Variants in PPP1R12B observed in about 807,000 individuals in gnomAD.
PPP1R12B encodes myosin phosphatase target subunit 2.
Under a neutral mutation model 126.1 loss-of-function variants are expected in PPP1R12B, and 76 were observed. The observed-to-expected ratio is 0.60, with a 90% CI of 0.50 to 0.73. The LOEUF (loss-of-function observed/expected upper bound fraction) is 0.73. Among genes scored for constraint, PPP1R12B ranks in the 30% least tolerant of loss-of-function variants. The probability of loss-of-function intolerance (pLI) is 0.00; values close to 1 mark genes in which losing one functional copy is unlikely to be tolerated. For missense variants in PPP1R12B, 1,052 were observed against 1,205.1 expected (o/e 0.87, Z 1.88); for synonymous variants, 356 against 434.7 (o/e 0.82, Z 2.25).
Position 202,431,492 on chromosome 1 carries a change from G to A in PPP1R12B, c.1014G>A (p.Met338Ile). ...QSGFFKNKEKMLYEEETPKSQ... is the reference protein window; with the variant it reads ...QSGFFKNKEKILYEEETPKSQ... ...ATCTTTAATTTAGCAAAGAGAAGATGCTCTATGAGGAGGAGACACCTAAGT... is the reference window on the plus strand; with the variant it reads ...ATCTTTAATTTAGCAAAGAGAAGATACTCTATGAGGAGGAGACACCTAAGT... The change falls in exon 8 of 24, where the codon ATG becomes ATA. Residue 338 changes from methionine (M) to isoleucine (I), a missense_variant. Coordinates refer to ENST00000608999, the MANE Select transcript of PPP1R12B (RefSeq NM_002481.4). The A allele has an allele frequency of 6.3e-7, 1 of 1,597,798 alleles. No homozygotes were observed. The highest frequency in any genetic ancestry group is 8.5e-7 in the Non-Finnish European group (1 of 1,175,268).
intron 18 of PPP1R12B, among the ~76,000 whole-genome samples, chr1:202,554,107 C>G (rs1413008012): frequency 6.6e-6 from 1 of 152,142 alleles, no homozygotes; most frequent in African/African-American, 2.4e-5. Context: ...CTAAATCCAA[C>G]TAGTGTTTTT....
intron 1 of PPP1R12B, among the ~76,000 whole-genome samples, chr1:202,363,362 C>T (rs147792035): frequency 3.9e-5 from 6 of 152,272 alleles, no homozygotes; most frequent in African/African-American, 1.4e-4. Flanking sequence ...TCCTATTAAT[C>T]TGTTCATAGT....
Position 202,508,559 on chromosome 1 carries a change from A to T in PPP1R12B, c.2490+11737A>T, listed in dbSNP as rs1232838116. On this transcript the variant is annotated intron_variant, in intron 18 of 23. Transcript: ENST00000608999. This position sits in a 1 kb window ranked among gnomAD's most constrained non-coding sequence, Gnocchi z 4.5. ...CAGGAAACAGAAGCATTTTAAAGGC[A>T]AACAACATGTTTGAGTATTATGTCA... 6.6e-6 allele frequency among the ~76,000 whole-genome samples: 1 copy of T among 152,254 alleles called. No homozygotes were observed. The highest frequency in any genetic ancestry group is 2.4e-5 in the African/African-American group (1 of 41,470).
At chr1:202,555,904 C>G (rs1268273533) in intron 18 of PPP1R12B, among the ~76,000 whole-genome samples, 1 of 148,028 alleles carries the variant, frequency 6.8e-6, no homozygotes, top group Non-Finnish European at 1.5e-5. Flanking sequence ...GAGACAGAGT[C>G]TCACTCTGTC....
Position 202,372,725 on chromosome 1 carries a change from A to T in PPP1R12B, c.291+23583A>T, listed in dbSNP as rs1455298625. Among the ~76,000 whole-genome samples the T allele has an allele frequency of 2.0e-5, 3 of 152,088 alleles. No homozygotes were observed. The East Asian group carries it at 5.8e-4, about 29-fold the overall frequency. On this transcript the variant is annotated intron_variant, in intron 1 of 23. Coordinates refer to ENST00000608999, the MANE Select transcript of PPP1R12B (RefSeq NM_002481.4). ...GAATTCAGGTCTATAGTGAACTGTG[A>T]TTGTGCTGCTGCACTTCAGCCTGGG...
At chr1:202,503,722 A>G (rs1043511224) in intron 18 of PPP1R12B, among the ~76,000 whole-genome samples, 5 of 152,154 alleles carry the variant, frequency 3.3e-5, no homozygotes, top group African/African-American at 1.2e-4. Flanking sequence ...CCTTTTTCCA[A>G]AACGAAATCA....
intron 1 of PPP1R12B, among the ~76,000 whole-genome samples, chr1:202,393,832 A>G (rs1378034520): frequency 6.6e-6 from 1 of 152,134 alleles, no homozygotes; most frequent in Non-Finnish European, 1.5e-5. Flanking sequence ...AGGCCAAGGC[A>G]GGAGGATTGC....
chr1:202,414,674 A>G (rs891047021), intron 1 of PPP1R12B, among the ~76,000 whole-genome samples: 1 of 152,224 alleles, frequency 6.6e-6, no homozygotes, highest in Non-Finnish European at 1.5e-5. Flanking sequence ...AAGTCCGAAT[A>G]ATCATAATTT....
At chr1:202,564,173 T>TA (rs1158424934) in intron 20 of PPP1R12B, among the ~76,000 whole-genome samples, 3 of 152,222 alleles carry the variant, frequency 2.0e-5, no homozygotes, top group Admixed American at 6.5e-5. Context: ...CATTGCTCTT[T>TA]TAAGCAATGA....
In PPP1R12B at chr1:202,564,453, G is replaced by C; in HGVS notation, c.2663G>C (p.Ser888Thr). 1 of 1,609,162 alleles carries C rather than the reference G, an allele frequency of 6.2e-7. No homozygotes were observed. Among genetic ancestry groups the C allele is most frequent in the South Asian group, 1.1e-5 (1 of 90,968 alleles). ...SNRDYKKLYE[S>T]ALTENQKLKT... ...TTCCCTCTCCTCTAGCTCTATGAGA[G>C]TGCTCTGACTGAAAACCAAAAACTG... Residue 888 changes from serine to threonine, a missense_variant, in exon 21 of 24, where the codon AGT (serine) becomes ACT (threonine). Transcript: ENST00000608999.
chr1:202,353,600 G>GTT (rs1656454982), intron 1 of PPP1R12B, among the ~76,000 whole-genome samples: 1 of 129,266 alleles, frequency 7.7e-6, no homozygotes, highest in African/African-American at 2.6e-5. Context: ...GTGTGTGTGT[G>GTT]TGTGTGTGTG....
chr1:202,569,023 G>T lies in PPP1R12B; in HGVS notation c.2812-124G>T, dbSNP rs932953499. 84 of 1,001,590 alleles carry T rather than the reference G, an allele frequency of 8.4e-5. No individual in the cohort carries two copies. The South Asian group carries it at 1.2e-3, about 14-fold the overall frequency. 62.0% of individuals were successfully genotyped at this position (1,001,590 alleles called of 1,614,324 possible). On this transcript the variant is annotated intron_variant, in intron 22 of 23. Transcript: ENST00000608999. ...ATAGTGCTCAGATCTCCTGAGTAAG[G>T]TTTGCCTGAGTCAGCAGACAAACCT...
intron 15 of PPP1R12B, among the ~76,000 whole-genome samples, chr1:202,494,633 G>A (rs1452119199): frequency 1.3e-5 from 2 of 148,290 alleles, no homozygotes; most frequent in African/African-American, 5.0e-5. Context: ...TTGAACCCAG[G>A]AGGCAGAGGT....
intron 17 of PPP1R12B, 137 bp downstream of exon 17, chr1:202,495,819 A>AG: frequency 1.3e-6 from 1 of 741,344 alleles, no homozygotes; most frequent in Non-Finnish European, 2.2e-6. Context: ...GGAAAAGAGA[A>AG]GAAAGACCTA....
intron 13 of PPP1R12B, among the ~76,000 whole-genome samples, chr1:202,465,723 CAG>C (rs1674887608): frequency 6.6e-6 from 1 of 152,180 alleles, no homozygotes; most frequent in Non-Finnish European, 1.5e-5. Flanking sequence ...TCCTCTTCCT[CAG>C]AGTCTCTTAA....
Position 202,440,734 on chromosome 1 carries a change from C to A in PPP1R12B, c.1487C>A (p.Ser496Ter). The change falls in exon 11 of 24, where the codon TCA becomes TAA. Residue 496 changes from serine (S) to a stop codon, truncating the protein, a stop_gained. Transcript: ENST00000608999. LOFTEE classifies it high-confidence loss of function. Reference protein sequence around the residue: ...KERENKSYISSLAPRKLNSTS... With the variant: ...KERENKSYIS ...AGAGAAAACAAAAGCTATATTAGTTCACTAGCACCCCGGAAGCTCAACAGC... is the reference window on the plus strand; with the variant it reads ...AGAGAAAACAAAAGCTATATTAGTTAACTAGCACCCCGGAAGCTCAACAGC... 6.2e-7 allele frequency: 1 copy of A among 1,613,752 alleles called. No homozygotes were observed.
chr1:202,580,392 C>T (rs1002726491), intron 23 of PPP1R12B, 82 bp from the exon 24 acceptor site: 47 of 1,058,342 alleles, frequency 4.4e-5, no homozygotes, highest in Non-Finnish European at 6.5e-5. Context: ...GCCCTGCTCA[C>T]CAGGCTGGCC....
intron 1 of PPP1R12B, among the ~76,000 whole-genome samples, chr1:202,353,629 T>TGTGTGTGTGTGTGA (rs540599307): frequency 1.8e-3 from 252 of 138,198 alleles, no homozygotes; most frequent in African/African-American, 4.9e-3. Flanking sequence ...TGTGTGTGTG[T>TGTGTGTGTGTGTGA]GACAGGGTCT....
chr1:202,493,315 G>A lies in PPP1R12B; in HGVS notation c.2143G>A (p.Glu715Lys). 3.1e-6 allele frequency: 5 copies of A among 1,611,606 alleles called. No individual in the cohort carries two copies. Among genetic ancestry groups the A allele is most frequent in the Non-Finnish European group, 4.2e-6 (5 of 1,179,558 alleles). The change falls in exon 15 of 24, where the codon GAG becomes AAG. Residue 715 changes from glutamate (E) to lysine (K), a missense_variant and splice_region_variant. By Grantham distance (56) the Glu-to-Lys change is moderately conservative. Coordinates refer to ENST00000608999, the MANE Select transcript of PPP1R12B (RefSeq NM_002481.4). ...GCCCTGGGGCAGGAGTCTGGATGAA[G>A]AGGTGAGCTCATTTTTGCTGGCATG... ...QQPWGRSLDEEPICHRLRCPA... is the reference protein window; with the variant it reads ...QQPWGRSLDEKPICHRLRCPA...
Sources: allele counts gnomAD v4.1 joint callset (sites outside exome capture counted in the v4.1 genomes callset), GRCh38; gene constraint gnomAD v4.1.1; non-coding constraint Gnocchi (gnomAD v3.1); transcripts MANE v1.5; gene names NCBI Gene and HGNC (gene_info 2026-07-23, HGNC 2026-07-21).